RAB4A: variants seen among roughly 807,000 people sequenced by gnomAD.
RAB4A encodes the protein ras-related protein Rab-4A.
Under a neutral mutation model 34.5 loss-of-function variants are expected in RAB4A, and 20 were observed. The observed-to-expected ratio is 0.58, with a 90% CI of 0.41 to 0.84. RAB4A has a LOEUF of 0.84. Among genes scored for constraint, RAB4A ranks in the 40% least tolerant of loss-of-function variants. RAB4A has a pLI of 0.00. For synonymous variants in RAB4A, 102 were observed against 100.0 expected (o/e 1.02, Z -0.12); for missense variants, 228 against 274.5 (o/e 0.83, Z 1.20).
At chr1:229,290,479 T>C (rs1235856058) in intron 3 of RAB4A, among the ~76,000 whole-genome samples, 1 of 152,132 alleles carries the variant, frequency 6.6e-6, no homozygotes, top group African/African-American at 2.4e-5. Flanking sequence ...GCTTTCCCAG[T>C]CAAACAGCCC....
chr1:229,302,310 T>TATATATATATA (rs1553302348), intron 6 of RAB4A, among the ~76,000 whole-genome samples: 1 of 16,096 alleles, frequency 6.2e-5, no homozygotes, highest in Non-Finnish European at 1.2e-4. Flanking sequence ...TATATATATA[T>TATATATATATA]TTTTTTTTTT....
At chr1:229,302,720 A>G (rs538583425) in intron 6 of RAB4A, 142 bp from the exon 7 acceptor site, 7 of 582,122 alleles carry the variant, frequency 1.2e-5, no homozygotes, top group African/African-American at 7.6e-5. Flanking sequence ...GCAAGCAAAC[A>G]TATATATAGT....
At chr1:229,288,062 G>A (rs972727864) in intron 2 of RAB4A, among the ~76,000 whole-genome samples, 18 of 152,208 alleles carry the variant, frequency 1.2e-4, no homozygotes, top group African/African-American at 4.1e-4. Context: ...CATTTCCATA[G>A]AACACTACGA....
rs1657312278 is a variant in RAB4A at position 229,298,995 on chromosome 1, C to G, written c.464C>G (p.Thr155Arg). The G allele has an allele frequency of 6.2e-7, 1 of 1,609,230 alleles. No individual in the cohort carries two copies. The highest frequency in any genetic ancestry group is 1.3e-5 in the African/African-American group (1 of 74,532). The part of the protein sequence containing the change: ...AQENELMFLE[T>R]SALTGENVEE... ...ATTTTAGAGCTGATGTTTTTGGAAACAAGTGCGCTCACAGGGGAGAATGTA... is the reference window on the plus strand; with the variant it reads ...ATTTTAGAGCTGATGTTTTTGGAAAGAAGTGCGCTCACAGGGGAGAATGTA... Residue 155 changes from threonine (T) to arginine (R), a missense_variant, in exon 6 of 8, where the codon ACA becomes AGA. Coordinates refer to ENST00000366690, the MANE Select transcript of RAB4A (RefSeq NM_004578.4).
Position 229,305,712 on chromosome 1 carries a change from A to T in RAB4A, c.*1919A>T, listed in dbSNP as rs1203731129. On this transcript the variant is annotated 3_prime_UTR_variant, in exon 8 of 8. Transcript: ENST00000366690. ...AAGACCATTTAAACTGGAGATTGTA[A>T]TTTATTCTTTTACAGTCCAGCATTT... The T allele has an allele frequency of 6.5e-6, 1 of 153,388 alleles. No homozygotes were observed. Among genetic ancestry groups the T allele is most frequent in the Non-Finnish European group, 1.5e-5 (1 of 68,874 alleles). The allele number at this position is 153,388 out of a possible 1,614,324, so 9.5% of individuals were successfully genotyped here. A position where few individuals can be genotyped will look rare whatever the true frequency, so the allele number is the denominator to read the frequency against.
intron 2 of RAB4A, among the ~76,000 whole-genome samples, chr1:229,287,589 CCT>C (rs1656958695): frequency 1.3e-5 from 2 of 152,190 alleles, no homozygotes; most frequent in Admixed American, 1.3e-4. Context: ...CCTGCATGGT[CCT>C]CTCTGCAACT....
At position 229,302,849 on chromosome 1, in the gene RAB4A, G is replaced by T; in HGVS notation, c.542-13G>T. 6.4e-7 allele frequency: 1 copy of T among 1,570,844 alleles called. No individual in the cohort carries two copies. Among genetic ancestry groups the T allele is most frequent in the South Asian group, 1.1e-5 (1 of 87,190 alleles). ...AAAAGCCTTTTTTAAAAGAAGACTT[G>T]CTTGGTCCTTAGGTGAGCTGGACCC... On this transcript the variant is annotated splice_polypyrimidine_tract_variant and intron_variant, in intron 6 of 7. Coordinates refer to ENST00000366690, the MANE Select transcript of RAB4A (RefSeq NM_004578.4).
At chr1:229,272,558 G>T (rs1160129188) in intron 1 of RAB4A, among the ~76,000 whole-genome samples, 1 of 152,142 alleles carries the variant, frequency 6.6e-6, no homozygotes, top group Non-Finnish European at 1.5e-5. Flanking sequence ...TGTGGTCCGT[G>T]AAAGTGTGTT....
chr1:229,296,700 A>T (rs957650174), intron 4 of RAB4A, among the ~76,000 whole-genome samples: 1 of 152,148 alleles, frequency 6.6e-6, no homozygotes, highest in Non-Finnish European at 1.5e-5. Context: ...CAGTGAGAGG[A>T]TGTCACTCAG....
intron 1 of RAB4A, among the ~76,000 whole-genome samples, 169 bp downstream of exon 1, chr1:229,271,539 C>T (rs1656477519): frequency 6.8e-6 from 1 of 146,834 alleles, no homozygotes; most frequent in Admixed American, 6.8e-5. Context: ...GGACGCGGGC[C>T]GCTGGGGGCT....
chr1:229,299,789 G>A (rs1206940219), intron 6 of RAB4A, among the ~76,000 whole-genome samples: 1 of 152,154 alleles, frequency 6.6e-6, no homozygotes, highest in Non-Finnish European at 1.5e-5. Context: ...ATGGGAGACA[G>A]TCAGAGGATA....
chr1:229,271,374 C>G lies in RAB4A; in HGVS notation c.31+4C>G, dbSNP rs868156076. On this transcript the variant is annotated splice_donor_region_variant and intron_variant, in intron 1 of 7. Coordinates refer to ENST00000366690, the MANE Select transcript of RAB4A (RefSeq NM_004578.4). ...ACGGCCATGTCCGAAACCTACGGTACGAGGCCCGGGCTGGCGGGGCGCGCG... is the reference window on the plus strand; with the variant it reads ...ACGGCCATGTCCGAAACCTACGGTAGGAGGCCCGGGCTGGCGGGGCGCGCG... 2.4e-6 allele frequency: 3 copies of G among 1,247,276 alleles called. No homozygotes were observed. In the African/African-American group the frequency reaches 4.7e-5, roughly 20 times the overall value. The allele number at this position is 1,247,276 out of a possible 1,614,324, so 77.3% of individuals were successfully genotyped here. A position where few individuals can be genotyped will look rare whatever the true frequency, so the allele number is the denominator to read the frequency against.
At chr1:229,274,895 A>G (rs1656601602) in intron 1 of RAB4A, among the ~76,000 whole-genome samples, 2 of 152,342 alleles carry the variant, frequency 1.3e-5, no homozygotes, top group South Asian at 2.1e-4. Context: ...GAAGAATACA[A>G]TTCAAATTGC....
At chr1:229,272,430 AAC>A (rs1656515359) in intron 1 of RAB4A, among the ~76,000 whole-genome samples, 2 of 152,168 alleles carry the variant, frequency 1.3e-5, no homozygotes, top group South Asian at 4.1e-4. Context: ...ATCCTGCAGA[AAC>A]ACAGCAGACA....
chr1:229,305,450 G>T lies in RAB4A; in HGVS notation c.*1657G>T, dbSNP rs1429042175. Reference sequence around the variant, plus strand: ...AAACGATCCTGTTAATTAAACCACAGACACCATATATCCTTCTGCATCCTT... The same window carrying T: ...AAACGATCCTGTTAATTAAACCACATACACCATATATCCTTCTGCATCCTT... On this transcript the variant is annotated 3_prime_UTR_variant, in exon 8 of 8. Transcript: ENST00000366690. 1 of 656,710 alleles carries T rather than the reference G, an allele frequency of 1.5e-6. No individual in the cohort carries two copies. Among genetic ancestry groups the T allele is most frequent in the Non-Finnish European group, 2.4e-6 (1 of 409,746 alleles). 40.7% of individuals were successfully genotyped at this position (656,710 alleles called of 1,614,324 possible). A position where few individuals can be genotyped will look rare whatever the true frequency, so the allele number is the denominator to read the frequency against.
At chr1:229,293,685 A>G (rs750375053) in intron 3 of RAB4A, among the ~76,000 whole-genome samples, 4 of 152,156 alleles carry the variant, frequency 2.6e-5, no homozygotes, top group Admixed American at 2.6e-4. Context: ...ACACAGAGAC[A>G]GAGACAGAAA....
At chr1:229,286,796 T>G (rs1270186340) in intron 2 of RAB4A, among the ~76,000 whole-genome samples, 1 of 152,356 alleles carries the variant, frequency 6.6e-6, no homozygotes, top group East Asian at 1.9e-4. Flanking sequence ...TTGCAGATGC[T>G]GAGAGACCAT....
rs761867270 is a variant in RAB4A, at chr1:229,305,223, T to G, written c.*1430T>G. ...GCCTTGAATATTTTATTTCAAAAAGTATCTGAAGCAAATTCTCAGACTGAA... is the reference window on the plus strand; with the variant it reads ...GCCTTGAATATTTTATTTCAAAAAGGATCTGAAGCAAATTCTCAGACTGAA... On this transcript the variant is annotated 3_prime_UTR_variant, in exon 8 of 8. Coordinates refer to ENST00000366690, the MANE Select transcript of RAB4A (RefSeq NM_004578.4). The G allele has an allele frequency of 1.9e-6, 3 of 1,609,590 alleles. No homozygotes were observed. The highest frequency in any genetic ancestry group is 2.7e-5 in the African/African-American group (2 of 74,790).
At position 229,297,205 on chromosome 1, in the gene RAB4A, A is replaced by G. The variant is rs578052199; in HGVS notation, c.291-277A>G. ...GCTAAGAGCTCAATAGATATTTGTCAATTGAATGAAGGAACATCTCTTTCC... is the reference window on the plus strand; with the variant it reads ...GCTAAGAGCTCAATAGATATTTGTCGATTGAATGAAGGAACATCTCTTTCC... On this transcript the variant is annotated intron_variant, in intron 4 of 7. Coordinates refer to ENST00000366690, the MANE Select transcript of RAB4A (RefSeq NM_004578.4). 8.5e-4 allele frequency among the ~76,000 whole-genome samples: 130 copies of G among 152,246 alleles called. 2 individuals are homozygous for G. The highest frequency in any genetic ancestry group is 2.4e-3 in the Admixed American group (37 of 15,288).
Sources: allele counts gnomAD v4.1 joint callset (sites outside exome capture counted in the v4.1 genomes callset), GRCh38; gene constraint gnomAD v4.1.1; transcripts MANE v1.5; gene names NCBI Gene and HGNC (gene_info 2026-07-23, HGNC 2026-07-21).